CORIN: variants seen among roughly 807,000 people sequenced by gnomAD.
CORIN encodes the protein atrial natriuretic peptide-converting enzyme.
A neutral mutation model predicts 125.3 loss-of-function variants in CORIN; 117 were observed. The ratio of observed to expected loss-of-function variants is 0.93; its 90% CI spans 0.80 to 1.09. The LOEUF (loss-of-function observed/expected upper bound fraction) is 1.09. Ranked by LOEUF, CORIN falls within the 50% of genes least tolerant of loss-of-function variation. The probability of loss-of-function intolerance (pLI) is 0.00; values close to 1 mark genes in which losing one functional copy is unlikely to be tolerated. For synonymous variants in CORIN, 450 were observed against 466.4 expected (o/e 0.96, Z 0.45); for missense variants, 1,253 against 1,306.7 (o/e 0.96, Z 0.63).
At chr4:47,758,160 C>T (rs1295663177) in intron 4 of CORIN, among the ~76,000 whole-genome samples, 4 of 151,840 alleles carry the variant, frequency 2.6e-5, no homozygotes, top group African/African-American at 7.3e-5. Flanking sequence ...GTGATCTGCT[C>T]GCCTGGCCTC....
At chr4:47,737,505 T>G (rs894411770) in intron 5 of CORIN, among the ~76,000 whole-genome samples, 2 of 152,144 alleles carry the variant, frequency 1.3e-5, no homozygotes, top group Non-Finnish European at 2.9e-5. Context: ...ACACATAGAC[T>G]CAACTATTTT....
chr4:47,798,462 T>C (rs1731392037), intron 2 of CORIN, among the ~76,000 whole-genome samples: 1 of 152,204 alleles, frequency 6.6e-6, no homozygotes, highest in Non-Finnish European at 1.5e-5. Flanking sequence ...TACAAAACTT[T>C]GTATGAGCAC....
rs867984313 is a variant in CORIN at position 47,645,175 on chromosome 4, A to G, written c.1863T>C (p.Leu621=). ...ATTGTTTATTGGATGGACATTCCCAAAGATCTCTCTCTTTACAACCTAGAG... is the reference window on the plus strand; with the variant it reads ...ATTGTTTATTGGATGGACATTCCCAGAGATCTCTCTCTTTACAACCTAGAG... ...EENCGCKERD[L]WECPSNKQCL... Residue 621 remains leucine (L), a synonymous_variant, in exon 14 of 22, where the codon CTT becomes CTC. Transcript: ENST00000273857. 3.7e-6 allele frequency: 6 copies of G among 1,606,488 alleles called. No homozygotes were observed. In the East Asian group the frequency reaches 6.7e-5, roughly 18 times the overall value.
chr4:47,689,026 C>T (rs910930867), intron 6 of CORIN, among the ~76,000 whole-genome samples: 4 of 152,080 alleles, frequency 2.6e-5, no homozygotes, highest in Non-Finnish European at 4.4e-5. Flanking sequence ...AATAGCTTCA[C>T]GTGGTGCTGC....
At position 47,744,443 on chromosome 4, in the gene CORIN, C is replaced by T. The variant is rs1728565853; in HGVS notation, c.758G>A (p.Ser253Asn). 1.2e-6 allele frequency: 2 copies of T among 1,614,058 alleles called. No individual in the cohort carries two copies. Among genetic ancestry groups the T allele is most frequent in the African/African-American group, 2.7e-5 (2 of 75,042 alleles). ...CTGCTGAGGTGAGAAGCAAATTCTG[C>T]TGACATTGCTGCTTTCAGTTTGGTT... ...FRNQTESSNV[S>N]RICFSPQQEN... Residue 253 changes from serine to asparagine, a missense_variant, in exon 5 of 22, where the codon AGC becomes AAC. By Grantham distance (46) the Ser-to-Asn change is conservative. Transcript: ENST00000273857.
intron 4 of CORIN, among the ~76,000 whole-genome samples, chr4:47,749,164 G>T (rs952141296): frequency 3.3e-5 from 5 of 151,982 alleles, no homozygotes; most frequent in African/African-American, 1.2e-4. Flanking sequence ...CTTTAAGATG[G>T]CCCGCAATGA....
chr4:47,634,621 C>T (rs1197979480), intron 16 of CORIN, among the ~76,000 whole-genome samples: 7 of 152,068 alleles, frequency 4.6e-5, no homozygotes, highest in South Asian at 2.1e-4. Flanking sequence ...GTGACAAAAG[C>T]GAAACTCTGT....
intron 6 of CORIN, among the ~76,000 whole-genome samples, chr4:47,688,918 G>A (rs1017505879): frequency 2.6e-5 from 4 of 152,132 alleles, no homozygotes; most frequent in Non-Finnish European, 1.5e-5. Context: ...CTACATCTTA[G>A]TAGAAAGATT....
At chr4:47,750,536 C>T (rs1054895256) in intron 4 of CORIN, among the ~76,000 whole-genome samples, 2 of 152,110 alleles carry the variant, frequency 1.3e-5, no homozygotes, top group Non-Finnish European at 2.9e-5. Context: ...ACCAACAAGG[C>T]ATAGTACAGT....
At chr4:47,779,398 C>T (rs1320126164) in intron 3 of CORIN, among the ~76,000 whole-genome samples, 1 of 151,738 alleles carries the variant, frequency 6.6e-6, no homozygotes, top group Non-Finnish European at 1.5e-5. Flanking sequence ...ACTCCAAGGC[C>T]TGCTCTGATC....
intron 4 of CORIN, among the ~76,000 whole-genome samples, chr4:47,756,466 A>G (rs1729152420): frequency 6.6e-6 from 1 of 152,228 alleles, no homozygotes; most frequent in Non-Finnish European, 1.5e-5. Flanking sequence ...AATTTGGGTA[A>G]CAGTATGGTG....
At chr4:47,673,228 T>TA (rs1560499554) in intron 10 of CORIN, among the ~76,000 whole-genome samples, 1 of 146,474 alleles carries the variant, frequency 6.8e-6, no homozygotes, top group African/African-American at 2.5e-5. Flanking sequence ...ATAAATAAAT[T>TA]AGCTGGGTGT....
chr4:47,765,044 G>T (rs1321491589), intron 3 of CORIN, among the ~76,000 whole-genome samples: 1 of 152,110 alleles, frequency 6.6e-6, no homozygotes, highest in Non-Finnish European at 1.5e-5. Context: ...GGGTGCGGTG[G>T]CTCACTCCTG....
At chr4:47,706,324 T>C in intron 5 of CORIN, 6 of 1,409,016 alleles carry the variant, frequency 4.3e-6, no homozygotes, top group Non-Finnish European at 3.9e-6. Flanking sequence ...TCAAGAAAAC[T>C]ACCAACTTTT....
intron 1 of CORIN, among the ~76,000 whole-genome samples, chr4:47,811,500 G>T (rs1360573195): frequency 1.3e-5 from 2 of 152,130 alleles, no homozygotes; most frequent in African/African-American, 4.8e-5. Context: ...TCTGCGAATG[G>T]CAGACAATAT....
intron 1 of CORIN, among the ~76,000 whole-genome samples, chr4:47,812,868 AT>A (rs1732118797): frequency 6.6e-6 from 1 of 152,284 alleles, no homozygotes; most frequent in African/African-American, 2.4e-5. Flanking sequence ...TTTGTACATA[AT>A]TATGCAAATA....
intron 7 of CORIN, chr4:47,682,007 G>C (rs1725305345): frequency 6.6e-6 from 1 of 152,180 alleles, no homozygotes; most frequent in Non-Finnish European, 1.5e-5. Flanking sequence ...GATGAGCCTG[G>C]AGGACATTCT....
At chr4:47,834,733 C>T (rs1052042826) in intron 1 of CORIN, among the ~76,000 whole-genome samples, 1 of 152,104 alleles carries the variant, frequency 6.6e-6, no homozygotes, top group African/African-American at 2.4e-5. Flanking sequence ...AAACCTATCA[C>T]ATTGTTTACA....
chr4:47,653,451 C>G lies in CORIN; in HGVS notation c.1843+102G>C. Reference sequence around the variant, plus strand: ...GAAGTAAAGACATTAGCATTGAATCCTAGTCCTACTATCAGTGAATAGTTT... The same window carrying G: ...GAAGTAAAGACATTAGCATTGAATCGTAGTCCTACTATCAGTGAATAGTTT... On this transcript the variant is annotated intron_variant, in intron 13 of 21. Coordinates refer to ENST00000273857, the MANE Select transcript of CORIN (RefSeq NM_006587.4). The G allele has an allele frequency of 3.5e-6, 3 of 863,622 alleles. No individual in the cohort carries two copies. The South Asian group carries it at 4.6e-5, about 13-fold the overall frequency. 53.5% of individuals were successfully genotyped at this position (863,622 alleles called of 1,614,324 possible).
Sources: allele counts gnomAD v4.1 joint callset (sites outside exome capture counted in the v4.1 genomes callset), GRCh38; gene constraint gnomAD v4.1.1; transcripts MANE v1.5; gene names NCBI Gene and HGNC (gene_info 2026-07-23, HGNC 2026-07-21).